The following MDFIC variants were observed in gnomAD, a reference collection of about 807,000 sequenced individuals.
MDFIC encodes the protein MyoD family inhibitor domain containing, also known as myoD family inhibitor domain-containing protein.
In MDFIC, 17 loss-of-function variants were observed where a neutral mutation model predicts 23.2. That is an observed-to-expected ratio of 0.73 (90% CI 0.50 to 1.10). MDFIC has a LOEUF of 1.10. Among genes scored for constraint, MDFIC ranks in the 50% least tolerant of loss-of-function variants. MDFIC has a pLI of 0.00. For synonymous variants in MDFIC, 120 were observed against 115.2 expected, an observed-to-expected ratio of 1.04 and a Z score of -0.27; for missense variants, 356 against 316.6, an observed-to-expected ratio of 1.12 and a Z score of -0.95.
intron 3 of MDFIC, among the ~76,000 whole-genome samples, chr7:114,958,903 A>G (rs979520348): frequency 6.6e-6 from 1 of 152,230 alleles, no homozygotes; most frequent in Non-Finnish European, 1.5e-5. Flanking sequence ...TGGGTTCACA[A>G]TCAGTTCCTT....
At chr7:114,994,198 C>G (rs1023769028) in intron 4 of MDFIC, among the ~76,000 whole-genome samples, 1 of 151,980 alleles carries the variant, frequency 6.6e-6, no homozygotes, top group African/African-American at 2.4e-5. Context: ...TTTCTATTTG[C>G]TTGGTAGATC....
chr7:114,942,298 G>A lies in MDFIC; in HGVS notation c.118G>A (p.Glu40Lys). The A allele has an allele frequency of 6.4e-7, 1 of 1,557,680 alleles. No individual in the cohort carries two copies. Among genetic ancestry groups the A allele is most frequent in the Non-Finnish European group, 8.8e-7 (1 of 1,135,992 alleles). The change falls in exon 3 of 5, where the codon GAG (glutamate) becomes AAG (lysine). Residue 40 changes from glutamate (E) to lysine (K), a missense_variant. Physicochemically the swap from Glu to Lys is moderately conservative, Grantham distance 56. Coordinates refer to ENST00000393486, the MANE Select transcript of MDFIC (RefSeq NM_001166345.3). ...AQGKCDKDNTEKDITQATNSH... is the reference protein window; with the variant it reads ...AQGKCDKDNTKKDITQATNSH... ...AGGAAAATGTGATAAAGACAATACT[G>A]AGAAAGATATAACTCAAGCTACCAA...
Position 115,014,274 on chromosome 7 carries a change from G to T in MDFIC, c.494-1414G>T, listed in dbSNP as rs73447414. ...AGGCCTGCAGAGTTAAGAGACTGCC[G>T]TAGGTACCCTGGTGTTTGTTTTTCT... On this transcript the variant is annotated intron_variant, in intron 4 of 4. Transcript: ENST00000393486. 8.9e-4 allele frequency: 879 copies of T among 985,406 alleles called. 4 individuals carry two copies. In the African/African-American group the frequency reaches 0.012, roughly 14 times the overall value. 61.0% of individuals were successfully genotyped at this position (985,406 alleles called of 1,614,324 possible).
intron 3 of MDFIC, among the ~76,000 whole-genome samples, chr7:114,956,682 T>G (rs1362324137): frequency 6.6e-6 from 1 of 152,168 alleles, no homozygotes; most frequent in Non-Finnish European, 1.5e-5. Flanking sequence ...TATGTACTGA[T>G]GTGCAGAACC....
chr7:114,922,595 G>A lies in MDFIC; in HGVS notation c.-149G>A, dbSNP rs962738232. The A allele has an allele frequency of 7.9e-7, 1 of 1,269,060 alleles. No individual in the cohort carries two copies. Among genetic ancestry groups the A allele is most frequent in the Non-Finnish European group, 1.0e-6 (1 of 999,870 alleles). The allele number at this position is 1,269,060 out of a possible 1,614,324, so 78.6% of individuals were successfully genotyped here. A position where few individuals can be genotyped will look rare whatever the true frequency, so the allele number is the denominator to read the frequency against. On this transcript the variant is annotated 5_prime_UTR_variant, in exon 1 of 5. Transcript: ENST00000393486. ...TTTCCGGGGCGGAAGAGGAGGAGGA[G>A]GAGGAGGAAGGGGCTTGGAGCGACT...
intron 2 of MDFIC, among the ~76,000 whole-genome samples, chr7:114,938,583 AGCGGTTCT>A (rs1792477044): frequency 6.6e-6 from 1 of 152,200 alleles, no homozygotes; most frequent in South Asian, 2.1e-4. Context: ...AGAGCTGCAC[AGCGGTTCT>A]AACCCTGAGC....
intron 3 of MDFIC, among the ~76,000 whole-genome samples, chr7:114,947,707 A>T (rs1343465284): frequency 6.6e-6 from 1 of 152,146 alleles, no homozygotes; most frequent in East Asian, 1.9e-4. Flanking sequence ...CAGGAGTCAG[A>T]CCGTGCTGCA....
chr7:114,969,439 C>G (rs17137484), intron 3 of MDFIC, among the ~76,000 whole-genome samples: 1 of 152,102 alleles, frequency 6.6e-6, no homozygotes, highest in Non-Finnish European at 1.5e-5. Context: ...GTGTCTGATA[C>G]GGTTGACGGA....
At chr7:114,960,465 CT>C (rs1053640611) in intron 3 of MDFIC, among the ~76,000 whole-genome samples, 8 of 151,848 alleles carry the variant, frequency 5.3e-5, no homozygotes, top group Admixed American at 2.6e-4. Context: ...GTACCATGGC[CT>C]TTTTTTAATA....
intron 2 of MDFIC, among the ~76,000 whole-genome samples, chr7:114,937,116 G>A (rs1380784830): frequency 6.6e-6 from 1 of 151,922 alleles, no homozygotes; most frequent in African/African-American, 2.4e-5. Flanking sequence ...TGCCAACTAG[G>A]TAAAATATTA....
At chr7:114,937,020 T>A (rs1792437331) in intron 2 of MDFIC, among the ~76,000 whole-genome samples, 1 of 152,086 alleles carries the variant, frequency 6.6e-6, no homozygotes. Flanking sequence ...GCTCTTAGAT[T>A]TTTCTCTCTT....
At chr7:114,947,417 G>T (rs1306183362) in intron 3 of MDFIC, among the ~76,000 whole-genome samples, 1 of 152,170 alleles carries the variant, frequency 6.6e-6, no homozygotes, top group African/African-American at 2.4e-5. Flanking sequence ...TTTATGGTCA[G>T]TTATTCCAAA....
chr7:114,979,812 G>T (rs747514503), intron 4 of MDFIC, 31 bp downstream of exon 4: 2 of 1,591,504 alleles, frequency 1.3e-6, no homozygotes, highest in Non-Finnish European at 1.7e-6. Context: ...GATTTTATTT[G>T]ACCAGATGTA....
chr7:114,953,404 A>G (rs1402977023), intron 3 of MDFIC, among the ~76,000 whole-genome samples: 1 of 152,240 alleles, frequency 6.6e-6, no homozygotes, highest in East Asian at 1.9e-4. Flanking sequence ...GTTTGGACTA[A>G]TTCAAAGTAG....
intron 4 of MDFIC, among the ~76,000 whole-genome samples, chr7:114,984,698 A>G: frequency 6.6e-6 from 1 of 152,366 alleles, no homozygotes; most frequent in Middle Eastern, 3.4e-3. Context: ...TAATTATAGT[A>G]TAATTTAGTA....
intron 3 of MDFIC, among the ~76,000 whole-genome samples, chr7:114,950,134 A>T (rs964711371): frequency 6.6e-6 from 1 of 152,160 alleles, no homozygotes; most frequent in Non-Finnish European, 1.5e-5. Flanking sequence ...ATGACTCTGG[A>T]AATAGTGAGA....
chr7:114,957,029 A>G (rs1052500459), intron 3 of MDFIC, among the ~76,000 whole-genome samples: 1 of 152,064 alleles, frequency 6.6e-6, no homozygotes, highest in Non-Finnish European at 1.5e-5. Flanking sequence ...ATTGTTCAGA[A>G]TGTGTTTCTT....
At chr7:114,981,672 T>A (rs995657191) in intron 4 of MDFIC, among the ~76,000 whole-genome samples, 14 of 152,242 alleles carry the variant, frequency 9.2e-5, no homozygotes, top group African/African-American at 1.2e-4. Flanking sequence ...TAAACACATT[T>A]TGCAAAGTCT....
rs570924110 is a variant in MDFIC, at chr7:114,963,186, G to A, written c.218-16320G>A. Among the ~76,000 whole-genome samples the A allele has an allele frequency of 1.0e-3, 156 of 152,252 alleles. 1 individual carries two copies. Among genetic ancestry groups the A allele is most frequent in the Middle Eastern group, 3.4e-3 (1 of 294 alleles). ...ATGAATAATTTATAATGGTAATGGC[G>A]TATATGGTAAATAAGCACAATATTT... On this transcript the variant is annotated intron_variant, in intron 3 of 4. Transcript: ENST00000393486.
Sources: allele counts gnomAD v4.1 joint callset (sites outside exome capture counted in the v4.1 genomes callset), GRCh38; gene constraint gnomAD v4.1.1; transcripts MANE v1.5; gene names NCBI Gene and HGNC (gene_info 2026-07-23, HGNC 2026-07-21).